NCKAP5: variants seen among roughly 807,000 people sequenced by gnomAD.
The protein encoded by NCKAP5 is NCK associated protein 5.
Under a neutral mutation model 167.0 loss-of-function variants are expected in NCKAP5, and 92 were observed. The ratio of observed to expected loss-of-function variants is 0.55; its 90% CI spans 0.47 to 0.66. The LOEUF (loss-of-function observed/expected upper bound fraction) is 0.66, where lower values mean the gene tolerates loss of function less well. NCKAP5 is among the 30% of genes least tolerant of loss of function. The probability of loss-of-function intolerance (pLI) is 0.00; values close to 1 mark genes in which losing one functional copy is unlikely to be tolerated. For missense variants in NCKAP5, 2,378 were observed against 2,315.0 expected (o/e 1.03, Z -0.56); for synonymous variants, 891 against 877.4 (o/e 1.02, Z -0.27).
chr2:133,603,676 T>C, the NCKAP5 span, among the ~76,000 whole-genome samples: 4 of 152,160 alleles, frequency 2.6e-5, no homozygotes, highest in Admixed American at 2.0e-4. Context: ...GTAGCTGGGA[T>C]TGCAGGCATG....
At chr2:132,745,247 A>G (rs1679540123) in intron 16 of NCKAP5, among the ~76,000 whole-genome samples, 1 of 151,900 alleles carries the variant, frequency 6.6e-6, no homozygotes, top group Non-Finnish European at 1.5e-5. Flanking sequence ...ATAATTAAGC[A>G]AATTACTCAC....
At chr2:133,104,407 A>T (rs1303873355) in intron 6 of NCKAP5, among the ~76,000 whole-genome samples, 1 of 152,216 alleles carries the variant, frequency 6.6e-6, no homozygotes, top group African/African-American at 2.4e-5. Flanking sequence ...CAGTTTCTAC[A>T]TTTGGAGTTG....
At chr2:133,330,020 A>G (rs919372661) in intron 3 of NCKAP5, among the ~76,000 whole-genome samples, 1 of 121,672 alleles carries the variant, frequency 8.2e-6, no homozygotes, top group Non-Finnish European at 1.7e-5. Context: ...TATTTTCCAG[A>G]TTTTGGAGGG....
chr2:133,276,677 T>G (rs563946241), intron 4 of NCKAP5, among the ~76,000 whole-genome samples: 1 of 152,206 alleles, frequency 6.6e-6, no homozygotes, highest in African/African-American at 2.4e-5. Flanking sequence ...AGAAAAACTT[T>G]CTAATTATTT....
intron 3 of NCKAP5, among the ~76,000 whole-genome samples, chr2:133,361,374 T>C (rs1191300252): frequency 6.6e-6 from 1 of 152,226 alleles, no homozygotes; most frequent in African/African-American, 2.4e-5. Flanking sequence ...GCTGCAAAGA[T>C]AGATCCTCAG....
chr2:132,722,005 T>C (rs1285758517), intron 19 of NCKAP5, among the ~76,000 whole-genome samples: 1 of 152,100 alleles, frequency 6.6e-6, no homozygotes, highest in Non-Finnish European at 1.5e-5. Flanking sequence ...GCAAAGTGAG[T>C]TGACAGAGAA....
At chr2:133,025,956 A>G (rs1361551178) in intron 6 of NCKAP5, among the ~76,000 whole-genome samples, 1 of 151,952 alleles carries the variant, frequency 6.6e-6, no homozygotes, top group African/African-American at 2.4e-5. Flanking sequence ...TGCATTACCT[A>G]TTTTTCCTGA....
chr2:133,212,485 A>G (rs1487423350), intron 5 of NCKAP5, among the ~76,000 whole-genome samples: 1 of 152,128 alleles, frequency 6.6e-6, no homozygotes, highest in Non-Finnish European at 1.5e-5. Flanking sequence ...CTCATGCCTC[A>G]GCTTCCTGAG....
At chr2:133,362,234 G>T (rs569386955) in intron 3 of NCKAP5, among the ~76,000 whole-genome samples, 1 of 152,138 alleles carries the variant, frequency 6.6e-6, no homozygotes, top group Non-Finnish European at 1.5e-5. Context: ...CAAGACAAAC[G>T]ATCACCGTGT....
intron 3 of NCKAP5, among the ~76,000 whole-genome samples, chr2:133,418,262 C>G (rs1185852306): frequency 6.6e-6 from 1 of 152,214 alleles, no homozygotes; most frequent in African/African-American, 2.4e-5. Flanking sequence ...GGGTGATGGG[C>G]ATTCTGATTC....
intron 5 of NCKAP5, among the ~76,000 whole-genome samples, chr2:133,130,837 GT>G (rs1263173387): frequency 4.0e-5 from 5 of 123,554 alleles, no homozygotes; most frequent in African/African-American, 2.5e-4. Context: ...TTGTTGTTTT[GT>G]TTTTGTTTTG....
intron 4 of NCKAP5, among the ~76,000 whole-genome samples, chr2:133,283,219 A>G (rs1336020306): frequency 6.6e-6 from 1 of 152,190 alleles, no homozygotes; most frequent in Non-Finnish European, 1.5e-5. Flanking sequence ...AATGAATAAG[A>G]TAACATAATA....
chr2:132,695,283 G>GA (rs1217500251), intron 19 of NCKAP5, among the ~76,000 whole-genome samples: 8 of 149,882 alleles, frequency 5.3e-5, no homozygotes, highest in South Asian at 4.3e-4. Context: ...TCTCTAAACG[G>GA]AAAAAAAAAG....
chr2:133,061,743 G>A (rs1456925211), intron 6 of NCKAP5, among the ~76,000 whole-genome samples: 2 of 152,132 alleles, frequency 1.3e-5, no homozygotes, highest in Non-Finnish European at 1.5e-5. Flanking sequence ...AATTTCAGAA[G>A]AGAGAGACAG....
At position 133,336,580 on chromosome 2, in the gene NCKAP5, T is replaced by C. The variant is rs143928973; in HGVS notation, c.70-33470A>G. Among the ~76,000 whole-genome samples, 1,120 of 152,276 alleles carry C rather than the reference T, an allele frequency of 7.4e-3. 16 individuals carry two copies. The highest frequency in any genetic ancestry group is 0.024 in the African/African-American group (984 of 41,552). On this transcript the variant is annotated intron_variant, in intron 3 of 19. Coordinates refer to ENST00000409261, the MANE Select transcript of NCKAP5 (RefSeq NM_207363.3). ...GGAAACCACAGGTTGAAGTTGCATT[T>C]AGAAGCAAAAACAAACAATATTTTC...
intron 4 of NCKAP5, among the ~76,000 whole-genome samples, chr2:133,232,614 A>G (rs772521895): frequency 5.9e-5 from 9 of 152,198 alleles, no homozygotes; most frequent in African/African-American, 1.9e-4. Flanking sequence ...AATTAAAGAA[A>G]CAGAAACACT....
At chr2:132,952,258 G>A (rs916219772) in intron 8 of NCKAP5, among the ~76,000 whole-genome samples, 1 of 152,230 alleles carries the variant, frequency 6.6e-6, no homozygotes, top group Middle Eastern at 3.4e-3. Flanking sequence ...AATATTTATG[G>A]AGATTAGTCC....
intron 5 of NCKAP5, among the ~76,000 whole-genome samples, chr2:133,178,451 G>C (rs1474384718): frequency 7.4e-6 from 1 of 135,162 alleles, no homozygotes; most frequent in Non-Finnish European, 1.5e-5. Flanking sequence ...GTTGTAGTGA[G>C]CCAAGATCAG....
At chr2:133,645,197 A>G in the NCKAP5 span, among the ~76,000 whole-genome samples, 1 of 152,352 alleles carries the variant, frequency 6.6e-6, no homozygotes, top group South Asian at 2.1e-4. Context: ...AAATTAAAGG[A>G]AAGCTAAAAA....
Sources: gnomAD v4.1 joint callset for allele counts (sites outside exome capture counted in the v4.1 genomes callset) on GRCh38, gnomAD v4.1.1 for gene constraint, MANE v1.5 for transcripts, NCBI Gene and HGNC (gene_info 2026-07-23, HGNC 2026-07-21) for gene names.